CADM2: variants seen among roughly 807,000 people sequenced by gnomAD.
The protein encoded by CADM2 is cell adhesion molecule 2.
Under a neutral mutation model 49.8 loss-of-function variants are expected in CADM2, and 12 were observed. That is an observed-to-expected ratio of 0.24 (90% confidence interval 0.15 to 0.39). CADM2 has a LOEUF of 0.39. Ranked by LOEUF, CADM2 falls within the 10% of genes least tolerant of loss-of-function variation. The probability of loss-of-function intolerance (pLI) is 1.00; values close to 1 mark genes in which losing one functional copy is unlikely to be tolerated. For synonymous variants in CADM2, 214 were observed against 175.4 expected (o/e 1.22, Z -1.74); for missense variants, 378 against 492.3 (o/e 0.77, Z 2.20).
intron 6 of CADM2, among the ~76,000 whole-genome samples, chr3:85,915,727 T>C (rs570592269): frequency 7.0e-4 from 107 of 152,276 alleles, no homozygotes; most frequent in African/African-American, 2.5e-3. Flanking sequence ...CTGGGATTTA[T>C]GGAGCATAAT....
intron 8 of CADM2, among the ~76,000 whole-genome samples, chr3:86,006,062 T>C (rs555820781): frequency 2.0e-5 from 3 of 152,370 alleles, no homozygotes; most frequent in African/African-American, 4.8e-5. Flanking sequence ...TTAGTTTTTA[T>C]GGCTGAATGG....
intron 1 of CADM2, among the ~76,000 whole-genome samples, chr3:85,085,388 T>C (rs1234678303): frequency 1.3e-5 from 2 of 152,040 alleles, no homozygotes; most frequent in Non-Finnish European, 2.9e-5. Flanking sequence ...AAGGACAGTA[T>C]TTTTTTCTTT....
At chr3:85,454,460 T>A (rs1357538852) in intron 1 of CADM2, among the ~76,000 whole-genome samples, 1 of 152,114 alleles carries the variant, frequency 6.6e-6, no homozygotes, top group Non-Finnish European at 1.5e-5. Flanking sequence ...GTTGAGAGGC[T>A]ATGGTCAAGG....
At chr3:85,613,617 C>T (rs1292330409) in intron 1 of CADM2, among the ~76,000 whole-genome samples, 2 of 151,526 alleles carry the variant, frequency 1.3e-5, no homozygotes, top group Non-Finnish European at 3.0e-5. Flanking sequence ...TTGAGAATGA[C>T]ACTTTATAAT....
At chr3:86,063,426 C>A (rs1053465135) in intron 8 of CADM2, among the ~76,000 whole-genome samples, 1 of 152,164 alleles carries the variant, frequency 6.6e-6, no homozygotes, top group African/African-American at 2.4e-5. Context: ...TCTGTCTTGA[C>A]AAGGTTTGTT....
chr3:86,017,156 G>C (rs1732365142), intron 8 of CADM2, among the ~76,000 whole-genome samples: 1 of 105,644 alleles, frequency 9.5e-6, no homozygotes, highest in African/African-American at 6.0e-5. Context: ...ATATATATGT[G>C]TGTGTGTGTG....
intron 1 of CADM2, among the ~76,000 whole-genome samples, chr3:85,404,361 T>TTGA (rs1394336269): frequency 3.9e-5 from 6 of 152,192 alleles, no homozygotes; most frequent in African/African-American, 1.4e-4. Context: ...TTATGTACAT[T>TTGA]TGATTGATTT....
At chr3:85,314,727 G>A (rs1447062820) in intron 1 of CADM2, among the ~76,000 whole-genome samples, 1 of 152,136 alleles carries the variant, frequency 6.6e-6, no homozygotes, top group African/African-American at 2.4e-5. Flanking sequence ...CTCAAAGAGA[G>A]AAGTATAAAT....
intron 1 of CADM2, among the ~76,000 whole-genome samples, chr3:85,014,094 AATTGTATATTATATATACGCAGTGTAAT>A (rs1559617346): frequency 2.1e-4 from 29 of 139,128 alleles, no homozygotes; most frequent in Middle Eastern, 4.3e-3. Flanking sequence ...CGCAGTGTAA[AATTGTATATTATATATACGCAGTGTAAT>A]ATTGTATATT....
rs4053296 is a variant in CADM2, at chr3:85,444,443, T to TCACACACACA, written c.62-282063_62-282054dup. The stretch of plus-strand genomic sequence containing the variant: ...TGGCTTCTTGTCTTTTCCTACACAC[T>TCACACACACA]CACACACACACACACACACACACAC... On this transcript the variant is annotated intron_variant, in intron 1 of 9. Transcript: ENST00000383699. Among the ~76,000 whole-genome samples, 345 of 148,022 alleles carry TCACACACACA rather than the reference T, an allele frequency of 2.3e-3. 2 individuals carry two copies. Among genetic ancestry groups the TCACACACACA allele is most frequent in the African/African-American group, 8.2e-3 (330 of 40,164 alleles).
intron 1 of CADM2, among the ~76,000 whole-genome samples, chr3:85,388,018 A>G (rs1340177930): frequency 6.6e-6 from 1 of 152,220 alleles, no homozygotes; most frequent in East Asian, 1.9e-4. Context: ...AGACCCTGAC[A>G]TAAGTCCAAT....
chr3:85,522,521 T>G (rs909589012), intron 1 of CADM2, among the ~76,000 whole-genome samples: 26 of 152,270 alleles, frequency 1.7e-4, no homozygotes, highest in African/African-American at 6.3e-4. Flanking sequence ...GTAGCAAATA[T>G]TGACTTTTTA....
At chr3:85,638,832 T>C (rs1373496293) in intron 1 of CADM2, among the ~76,000 whole-genome samples, 1 of 152,044 alleles carries the variant, frequency 6.6e-6, no homozygotes, top group African/African-American at 2.4e-5. Context: ...ATGTAAAAAG[T>C]ATATAAAAAG....
At chr3:85,588,641 C>A (rs1210872153) in intron 1 of CADM2, among the ~76,000 whole-genome samples, 2 of 151,986 alleles carry the variant, frequency 1.3e-5, no homozygotes, top group African/African-American at 4.8e-5. Flanking sequence ...CTGCTGTGTA[C>A]TGATTTTTTT....
chr3:85,219,504 A>C (rs904867751), intron 1 of CADM2, among the ~76,000 whole-genome samples: 1 of 152,188 alleles, frequency 6.6e-6, no homozygotes, highest in Non-Finnish European at 1.5e-5. Flanking sequence ...CTAAATATAC[A>C]TTATTTTTAT....
intron 1 of CADM2, among the ~76,000 whole-genome samples, chr3:85,138,268 A>T (rs2039477142): frequency 6.6e-6 from 1 of 152,034 alleles, no homozygotes; most frequent in African/African-American, 2.4e-5. Context: ...TTTTCTAGTG[A>T]TGGGTTACAG....
At chr3:85,095,785 A>G (rs2037773171) in intron 1 of CADM2, among the ~76,000 whole-genome samples, 2 of 152,014 alleles carry the variant, frequency 1.3e-5, no homozygotes, top group South Asian at 4.1e-4. Context: ...TTTTTTCTAT[A>G]CTCTGTAGCA....
At chr3:85,114,315 G>A (rs923586579) in intron 1 of CADM2, among the ~76,000 whole-genome samples, 9 of 152,086 alleles carry the variant, frequency 5.9e-5, no homozygotes, top group Non-Finnish European at 1.0e-4. Context: ...TAGGTGTGGA[G>A]AGAGACAAGG....
At chr3:85,978,082 A>AG (rs1356540782) in intron 8 of CADM2, among the ~76,000 whole-genome samples, 35 of 151,766 alleles carry the variant, frequency 2.3e-4, no homozygotes, top group Admixed American at 2.2e-3. Flanking sequence ...ATGTGAAATC[A>AG]AACCTCAGCA....
Sources: allele counts gnomAD v4.1 joint callset (sites outside exome capture counted in the v4.1 genomes callset), GRCh38; gene constraint gnomAD v4.1.1; transcripts MANE v1.5; gene names NCBI Gene and HGNC (gene_info 2026-07-23, HGNC 2026-07-21).